PAMR1: variants seen among roughly 807,000 people sequenced by gnomAD.
The protein encoded by PAMR1 is inactive serine protease PAMR1.
PAMR1 carries 88 observed loss-of-function variants against 81.8 expected under a neutral mutation model. The ratio of observed to expected loss-of-function variants is 1.08; its 90% confidence interval spans 0.91 to 1.28. The LOEUF (loss-of-function observed/expected upper bound fraction) is 1.28. Among genes scored for constraint, PAMR1 ranks in the 50% most tolerant of loss-of-function variants. The pLI is 0.00. For synonymous variants in PAMR1, 336 were observed against 345.3 expected (o/e 0.97, Z 0.30); for missense variants, 935 against 919.7 (o/e 1.02, Z -0.21).
Position 35,475,595 on chromosome 11 carries a change from A to G in PAMR1, c.380-851T>C, listed in dbSNP as rs150729900. Among the ~76,000 whole-genome samples, 159 of 152,346 alleles carry G rather than the reference A, an allele frequency of 1.0e-3. 1 individual carries two copies. Among genetic ancestry groups the G allele is most frequent in the African/African-American group, 3.5e-3 (145 of 41,584 alleles). On this transcript the variant is annotated intron_variant, in intron 3 of 10. Coordinates refer to ENST00000619888, the MANE Select transcript of PAMR1 (RefSeq NM_001001991.3). ...GAAAATGCACTGTATTTTTGTACCC[A>G]AAAGTTTGGGGAAAATGTCTTGAAG...
chr11:35,440,731 T>C (rs1480890105), intron 7 of PAMR1, among the ~76,000 whole-genome samples: 1 of 152,202 alleles, frequency 6.6e-6, no homozygotes, highest in Non-Finnish European at 1.5e-5. Flanking sequence ...CTGTCCAACC[T>C]ACATATTTAA....
intron 1 of PAMR1, among the ~76,000 whole-genome samples, chr11:35,523,824 T>C (rs1312533401): frequency 6.6e-6 from 1 of 152,236 alleles, no homozygotes; most frequent in Non-Finnish European, 1.5e-5. Context: ...GCAGTTTAGC[T>C]ACCAACAAAC....
At chr11:35,472,003 T>C (rs941842366) in intron 4 of PAMR1, among the ~76,000 whole-genome samples, 2 of 152,160 alleles carry the variant, frequency 1.3e-5, no homozygotes, top group Admixed American at 6.5e-5. Flanking sequence ...TGACAATCAG[T>C]ATATTGATTG....
At chr11:35,519,651 T>G (rs1266336431) in intron 1 of PAMR1, among the ~76,000 whole-genome samples, 1 of 152,212 alleles carries the variant, frequency 6.6e-6, no homozygotes, top group East Asian at 1.9e-4. Flanking sequence ...GGGTTCCATG[T>G]GGTGCTACTG....
At chr11:35,512,177 G>A (rs952404206) in intron 1 of PAMR1, among the ~76,000 whole-genome samples, 1 of 152,130 alleles carries the variant, frequency 6.6e-6, no homozygotes, top group Non-Finnish European at 1.5e-5. Context: ...GTAGAGGATC[G>A]AAAATGAATG....
chr11:35,512,888 G>A (rs1176249352), intron 1 of PAMR1, among the ~76,000 whole-genome samples: 1 of 152,162 alleles, frequency 6.6e-6, no homozygotes, highest in East Asian at 1.9e-4. Context: ...CTACTCAGGA[G>A]GCTGAGGTGA....
intron 6 of PAMR1, among the ~76,000 whole-genome samples, chr11:35,450,740 C>A (rs573712003): frequency 2.6e-5 from 4 of 152,256 alleles, no homozygotes; most frequent in South Asian, 2.1e-4. Flanking sequence ...ATTTAAAAAT[C>A]TATATTATTC....
intron 1 of PAMR1, among the ~76,000 whole-genome samples, chr11:35,509,985 G>A (rs1345579672): frequency 6.6e-6 from 1 of 152,166 alleles, no homozygotes; most frequent in African/African-American, 2.4e-5. Flanking sequence ...ACCCCACACT[G>A]GGATAAACCA....
At chr11:35,467,061 C>A (rs1308919805) in intron 6 of PAMR1, among the ~76,000 whole-genome samples, 1 of 152,160 alleles carries the variant, frequency 6.6e-6, no homozygotes, top group African/African-American at 2.4e-5. Flanking sequence ...TCCTCCAGTT[C>A]CCCAGGGCAG....
chr11:35,466,092 A>G (rs1457956934), intron 6 of PAMR1, among the ~76,000 whole-genome samples: 3 of 151,758 alleles, frequency 2.0e-5, no homozygotes, highest in Non-Finnish European at 4.4e-5. Flanking sequence ...TTTTTATCAA[A>G]GTATTGTGTA....
chr11:35,459,460 T>C (rs1464922774), intron 6 of PAMR1, among the ~76,000 whole-genome samples: 2 of 152,204 alleles, frequency 1.3e-5, no homozygotes, highest in African/African-American at 4.8e-5. Flanking sequence ...TCTCAGAAGA[T>C]TTCTGCTTCA....
Position 35,492,061 on chromosome 11 carries a change from GT to G in PAMR1, c.362del (p.Tyr121SerfsTer26). The G allele has an allele frequency of 6.2e-7, 1 of 1,613,598 alleles. No homozygotes were observed. The highest frequency in any genetic ancestry group is 8.5e-7 in the Non-Finnish European group (1 of 1,179,712). ...FYCAECRAGW[Y>X]GGDCMRCGQV... is the part of the protein sequence containing the mutation. ...TCTACTTACGCATGCAGTCTCCTCC[GT>G]ACCAGCCTGCTCGGCACTCTGCACA... is the stretch of plus-strand genomic sequence containing the variant. On this transcript the variant is annotated frameshift_variant, in exon 3 of 11. Coordinates refer to ENST00000619888, the MANE Select transcript of PAMR1 (RefSeq NM_001001991.3). LOFTEE classifies it high-confidence loss of function.
chr11:35,459,843 T>C (rs1288203417), intron 6 of PAMR1, among the ~76,000 whole-genome samples: 2 of 152,208 alleles, frequency 1.3e-5, no homozygotes, highest in African/African-American at 4.8e-5. Flanking sequence ...GGGGAAAATA[T>C]ATACTGGATA....
Position 35,492,006 on chromosome 11 carries a change from G to T in PAMR1, c.379+39C>A, listed in dbSNP as rs781305204. On this transcript the variant is annotated intron_variant, in intron 3 of 10. Coordinates refer to ENST00000619888, the MANE Select transcript of PAMR1 (RefSeq NM_001001991.3). Reference sequence around the variant, plus strand: ...CATTGTAAGCTGAGACTTTAAGACAGTGTGCACTAGAGATGGAGCTAGGTC... The same window carrying T: ...CATTGTAAGCTGAGACTTTAAGACATTGTGCACTAGAGATGGAGCTAGGTC... 10 of 1,568,048 alleles carry T rather than the reference G, an allele frequency of 6.4e-6. No homozygotes were observed. The South Asian group carries it at 9.5e-5, about 15-fold the overall frequency.
chr11:35,450,660 A>C (rs1856396796), intron 6 of PAMR1, among the ~76,000 whole-genome samples: 1 of 152,240 alleles, frequency 6.6e-6, no homozygotes, highest in Admixed American at 6.5e-5. Flanking sequence ...TTGTCTCAAA[A>C]ACATAATATG....
intron 4 of PAMR1, among the ~76,000 whole-genome samples, chr11:35,472,471 T>C (rs1174576486): frequency 1.3e-5 from 2 of 152,216 alleles, no homozygotes; most frequent in Non-Finnish European, 2.9e-5. Flanking sequence ...TGGAGATTAA[T>C]TCTGGGTTAG....
At chr11:35,469,960 A>G (rs1856821388) in intron 5 of PAMR1, among the ~76,000 whole-genome samples, 1 of 152,180 alleles carries the variant, frequency 6.6e-6, no homozygotes, top group East Asian at 1.9e-4. Flanking sequence ...CAAGAGTTAC[A>G]GTCAGGCTTA....
intron 1 of PAMR1, among the ~76,000 whole-genome samples, chr11:35,523,132 C>A (rs1851313610): frequency 6.6e-6 from 1 of 152,170 alleles, no homozygotes; most frequent in Admixed American, 6.5e-5. Flanking sequence ...CCCAATTTTC[C>A]TAGCTTTCTC....
At chr11:35,517,428 G>A (rs957227094) in intron 1 of PAMR1, among the ~76,000 whole-genome samples, 1 of 152,220 alleles carries the variant, frequency 6.6e-6, no homozygotes, top group Non-Finnish European at 1.5e-5. Context: ...CTGTAATGGT[G>A]AGATATTCTT....
Sources: allele counts gnomAD v4.1 joint callset (sites outside exome capture counted in the v4.1 genomes callset), GRCh38; gene constraint gnomAD v4.1.1; transcripts MANE v1.5; gene names NCBI Gene and HGNC (gene_info 2026-07-23, HGNC 2026-07-21).